Variants in NSMCE2 observed in about 807,000 individuals in gnomAD.
The protein encoded by NSMCE2 is E3 SUMO-protein ligase NSE2.
Under a neutral mutation model 23.8 loss-of-function variants are expected in NSMCE2, and 24 were observed. The observed-to-expected ratio is 1.01, with a 90% CI of 0.73 to 1.42. The LOEUF is 1.42. Among genes scored for constraint, NSMCE2 ranks in the 40% most tolerant of loss-of-function variants. The pLI, the probability that NSMCE2 is intolerant of heterozygous loss-of-function variation, is 0.00. For missense variants in NSMCE2, 284 were observed against 296.5 expected, an observed-to-expected ratio of 0.96 and a Z score of 0.31; for synonymous variants, 92 against 94.1, an observed-to-expected ratio of 0.98 and a Z score of 0.13.
At chr8:125,101,106 C>T (rs1219534455) in intron 1 of NSMCE2, among the ~76,000 whole-genome samples, 1 of 152,212 alleles carries the variant, frequency 6.6e-6, no homozygotes, top group Non-Finnish European at 1.5e-5. Flanking sequence ...TCTTATGCAT[C>T]TCTGTGCATC....
chr8:125,355,367 G>A lies in NSMCE2; in HGVS notation c.419-1852G>A, dbSNP rs189434639. On this transcript the variant is annotated intron_variant, in intron 5 of 7. Coordinates refer to ENST00000287437, the MANE Select transcript of NSMCE2 (RefSeq NM_173685.4). ...AGAGAAGGGAAAGGGAAAGGAGAAG[G>A]AAGGAGAAAGGACTACACCATCAAC... Among the ~76,000 whole-genome samples the A allele has an allele frequency of 1.5e-3, 228 of 152,298 alleles. 1 individual carries two copies. Among genetic ancestry groups the A allele is most frequent in the African/African-American group, 5.4e-3 (225 of 41,564 alleles).
chr8:125,239,339 T>G (rs1430262980), intron 5 of NSMCE2, among the ~76,000 whole-genome samples: 1 of 152,166 alleles, frequency 6.6e-6, no homozygotes, highest in Non-Finnish European at 1.5e-5. Context: ...TGGGGCACTG[T>G]GGATCACTCC....
chr8:125,217,284 T>C (rs896281547), intron 5 of NSMCE2, among the ~76,000 whole-genome samples: 7 of 152,054 alleles, frequency 4.6e-5, no homozygotes, highest in African/African-American at 1.7e-4. Context: ...TTTCAGGGAG[T>C]CCTAGAGGTC....
chr8:125,362,863 G>C (rs1169998572), intron 7 of NSMCE2, among the ~76,000 whole-genome samples: 1 of 152,172 alleles, frequency 6.6e-6, no homozygotes, highest in African/African-American at 2.4e-5. Flanking sequence ...CTCTGCAGCT[G>C]AGTGTGTGGT....
At chr8:125,306,872 A>G (rs1162163057) in intron 5 of NSMCE2, among the ~76,000 whole-genome samples, 2 of 152,254 alleles carry the variant, frequency 1.3e-5, no homozygotes, top group African/African-American at 2.4e-5. Flanking sequence ...TAAGATGGGA[A>G]TATAATGATA....
chr8:125,303,011 C>T (rs951053474), intron 5 of NSMCE2, among the ~76,000 whole-genome samples: 3 of 152,176 alleles, frequency 2.0e-5, no homozygotes, highest in Admixed American at 6.5e-5. Context: ...TCCACACTCC[C>T]CGCATCTTCT....
chr8:125,204,881 G>C (rs550733446), intron 5 of NSMCE2, among the ~76,000 whole-genome samples: 2 of 152,242 alleles, frequency 1.3e-5, no homozygotes, highest in South Asian at 4.1e-4. Context: ...GATCCGGCCA[G>C]TTTCTACCAG....
intron 5 of NSMCE2, among the ~76,000 whole-genome samples, chr8:125,346,109 A>G (rs1033745285): frequency 6.6e-6 from 1 of 152,066 alleles, no homozygotes; most frequent in Non-Finnish European, 1.5e-5. Context: ...GTGAGCCAAG[A>G]TCGCACCATT....
At chr8:125,236,235 A>C (rs574803914) in intron 5 of NSMCE2, among the ~76,000 whole-genome samples, 1 of 152,322 alleles carries the variant, frequency 6.6e-6, no homozygotes, top group Non-Finnish European at 1.5e-5. Flanking sequence ...AGAAGTTTCT[A>C]GTTATAGACC....
intron 5 of NSMCE2, among the ~76,000 whole-genome samples, chr8:125,247,461 A>G (rs1239476581): frequency 6.6e-6 from 1 of 152,176 alleles, no homozygotes; most frequent in East Asian, 1.9e-4. Context: ...GATTTGGCTC[A>G]CGCCTATAAT....
chr8:125,142,568 C>T (rs1007212899), intron 3 of NSMCE2, among the ~76,000 whole-genome samples: 2 of 151,392 alleles, frequency 1.3e-5, no homozygotes, highest in African/African-American at 2.4e-5. Context: ...ACACTCTTCA[C>T]TATGATTTCT....
rs1380309443 is a variant in NSMCE2 at position 125,151,187 on chromosome 8, A to C, written c.174A>C (p.Glu58Asp). Reference sequence around the variant, plus strand: ...TTCTTTCAGCTGAAGTGAGTAGTGAATATAGTATGGACAAGGCAATGGTTG... The same window carrying C: ...TTCTTTCAGCTGAAGTGAGTAGTGACTATAGTATGGACAAGGCAATGGTTG... ...LVESQTEVSS[E>D]YSMDKAMVEF... The change falls in exon 4 of 8, where the codon GAA (glutamate) becomes GAC (aspartate). Residue 58 changes from glutamate (E) to aspartate (D), a missense_variant. Transcript: ENST00000287437. 5 of 1,598,198 alleles carry C rather than the reference A, an allele frequency of 3.1e-6. No individual in the cohort carries two copies. The highest frequency in any genetic ancestry group is 2.7e-5 in the African/African-American group (2 of 74,566).
intron 5 of NSMCE2, among the ~76,000 whole-genome samples, chr8:125,263,073 G>A (rs964770546): frequency 6.6e-6 from 1 of 152,174 alleles, no homozygotes; most frequent in Non-Finnish European, 1.5e-5. Flanking sequence ...GATAACTATA[G>A]TGAATGAAAC....
intron 3 of NSMCE2, among the ~76,000 whole-genome samples, chr8:125,138,826 G>A (rs921779959): frequency 1.3e-5 from 2 of 152,126 alleles, no homozygotes; most frequent in Non-Finnish European, 2.9e-5. Context: ...GAGACTTTCT[G>A]TTTGACCCAG....
intron 4 of NSMCE2, among the ~76,000 whole-genome samples, chr8:125,169,994 C>T (rs1822097767): frequency 6.6e-6 from 1 of 151,730 alleles, no homozygotes; most frequent in South Asian, 2.1e-4. Flanking sequence ...TAGCTCCTTT[C>T]TTACAGCCTG....
intron 4 of NSMCE2, among the ~76,000 whole-genome samples, chr8:125,160,294 G>A (rs549316812): frequency 1.0e-3 from 152 of 152,270 alleles, no homozygotes; most frequent in African/African-American, 3.3e-3. Flanking sequence ...TGCCTAGAAC[G>A]TTCTGTAAAG....
intron 5 of NSMCE2, among the ~76,000 whole-genome samples, chr8:125,189,834 ATATAG>A (rs1425341772): frequency 6.6e-6 from 1 of 152,246 alleles, no homozygotes; most frequent in African/African-American, 2.4e-5. Context: ...TGGCACAAAC[ATATAG>A]TATATACAGC....
intron 5 of NSMCE2, among the ~76,000 whole-genome samples, chr8:125,238,976 T>C (rs753729328): frequency 7.9e-5 from 12 of 152,212 alleles, no homozygotes; most frequent in Non-Finnish European, 1.6e-4. Context: ...CGAATTGTTA[T>C]TCAAATAATT....
At chr8:125,120,075 C>A (rs1454482993) in intron 3 of NSMCE2, among the ~76,000 whole-genome samples, 1 of 151,954 alleles carries the variant, frequency 6.6e-6, no homozygotes, top group Non-Finnish European at 1.5e-5. Flanking sequence ...AACATATAAT[C>A]AATATGAAAG....
Sources: allele counts gnomAD v4.1 joint callset (sites outside exome capture counted in the v4.1 genomes callset), GRCh38; gene constraint gnomAD v4.1.1; transcripts MANE v1.5; gene names NCBI Gene and HGNC (gene_info 2026-07-23, HGNC 2026-07-21).